Variants in EHD4 observed in about 807,000 individuals in gnomAD.
EHD4 encodes the protein EH domain containing 4.
EHD4 carries 37 observed loss-of-function variants against 51.0 expected under a neutral mutation model. The ratio of observed to expected loss-of-function variants is 0.73; its 90% CI spans 0.56 to 0.95. EHD4 has a LOEUF of 0.95. EHD4 is among the 40% of genes least tolerant of loss of function. The pLI, the probability that EHD4 is intolerant of heterozygous loss-of-function variation, is 0.00. For synonymous variants in EHD4, 297 were observed against 317.3 expected (o/e 0.94, Z 0.68); for missense variants, 632 against 733.1 (o/e 0.86, Z 1.59).
chr15:41,918,306 G>A (rs149170498), intron 4 of EHD4, among the ~76,000 whole-genome samples: 87 of 152,142 alleles, frequency 5.7e-4, no homozygotes, highest in African/African-American at 2.0e-3. Context: ...CCCTATATCC[G>A]AGGCTCTGGG....
At chr15:41,925,777 T>A (rs2067656603) in intron 3 of EHD4, among the ~76,000 whole-genome samples, 4 of 152,160 alleles carry the variant, frequency 2.6e-5, no homozygotes, top group Admixed American at 6.5e-5. Context: ...CCTGGCTCCA[T>A]GTTCTGGGAA....
At chr15:41,967,735 C>T (rs2141011288) in intron 1 of EHD4, among the ~76,000 whole-genome samples, 1 of 152,336 alleles carries the variant, frequency 6.6e-6, no homozygotes, top group African/African-American at 2.4e-5. Context: ...GGGAATGAAG[C>T]AGGCCTTTGT....
intron 3 of EHD4, among the ~76,000 whole-genome samples, chr15:41,936,518 A>C (rs1001741663): frequency 1.3e-5 from 2 of 152,228 alleles, no homozygotes; most frequent in Admixed American, 1.3e-4. Flanking sequence ...TCTGTATCCC[A>C]ATGTCTGAGA....
intron 1 of EHD4, among the ~76,000 whole-genome samples, chr15:41,957,406 T>C (rs1419122303): frequency 6.6e-6 from 1 of 152,214 alleles, no homozygotes; most frequent in Non-Finnish European, 1.5e-5. Flanking sequence ...CTGGTGTTAT[T>C]TGAGGGCCTG....
At chr15:41,904,550 A>T (rs553435310) in intron 5 of EHD4, among the ~76,000 whole-genome samples, 34 of 152,356 alleles carry the variant, frequency 2.2e-4, no homozygotes, top group Middle Eastern at 3.4e-3. Flanking sequence ...CCACTAAGCC[A>T]GGACCCTGGA....
At chr15:41,906,877 C>G (rs994016302) in intron 5 of EHD4, among the ~76,000 whole-genome samples, 1 of 152,116 alleles carries the variant, frequency 6.6e-6, no homozygotes, top group African/African-American at 2.4e-5. Flanking sequence ...TTCCGTGGTG[C>G]TAAGGTACTG....
chr15:41,964,436 C>G (rs777866916), intron 1 of EHD4, among the ~76,000 whole-genome samples: 1 of 151,790 alleles, frequency 6.6e-6, no homozygotes, highest in Non-Finnish European at 1.5e-5. Flanking sequence ...GATCCCAACT[C>G]TACAAAAAAT....
chr15:41,943,157 A>C lies in EHD4; in HGVS notation c.421T>G (p.Cys141Gly). 1 of 1,585,142 alleles carries C rather than the reference A, an allele frequency of 6.3e-7. No individual in the cohort carries two copies. Among genetic ancestry groups the C allele is most frequent in the Non-Finnish European group, 8.6e-7 (1 of 1,165,226 alleles). Residue 141 changes from cysteine (C) to glycine (G), a missense_variant, in exon 3 of 6, where the codon TGC (cysteine) becomes GGC (glycine). Cys to Gly is a radical substitution (Grantham distance 159). Coordinates refer to ENST00000220325, the MANE Select transcript of EHD4 (RefSeq NM_139265.4). ...AGGACCTGATTGGGGAGCTGTGAGC[A>C]CATGAATCTGGAAGAGACGGATCAA... is the stretch of plus-strand genomic sequence containing the variant. ...FGNAFLNRFM[C>G]SQLPNQVLKS... is the part of the protein sequence containing the mutation.
At chr15:41,902,597 A>C (rs1163573427) in intron 5 of EHD4, among the ~76,000 whole-genome samples, 2 of 152,144 alleles carry the variant, frequency 1.3e-5, no homozygotes, top group Non-Finnish European at 2.9e-5. Flanking sequence ...ATTAGAAAGA[A>C]AAAAGCCAAG....
At chr15:41,951,983 C>A (rs1349722618) in intron 2 of EHD4, among the ~76,000 whole-genome samples, 1 of 152,252 alleles carries the variant, frequency 6.6e-6, no homozygotes, top group Non-Finnish European at 1.5e-5. Flanking sequence ...TTCCACATCA[C>A]CTGCAGGTTT....
intron 3 of EHD4, among the ~76,000 whole-genome samples, chr15:41,932,865 C>G (rs2067707785): frequency 6.6e-6 from 1 of 152,206 alleles, no homozygotes; most frequent in Admixed American, 6.5e-5. Context: ...CCTCTGCCCT[C>G]CCCTGGGAAA....
At chr15:41,944,922 C>T (rs1436275644) in intron 2 of EHD4, among the ~76,000 whole-genome samples, 1 of 152,284 alleles carries the variant, frequency 6.6e-6, no homozygotes, top group South Asian at 2.1e-4. Context: ...TAAATAAACC[C>T]TACTACCCAA....
At position 41,937,698 on chromosome 15, in the gene EHD4, G is replaced by C. The variant is rs189639374; in HGVS notation, c.511+5369C>G. ...GTGTTCTCTCTCCTTTCCCGAGCAAGCTTCAAAATCCGGTCTTTTGTCTTC... is the reference window on the plus strand; with the variant it reads ...GTGTTCTCTCTCCTTTCCCGAGCAACCTTCAAAATCCGGTCTTTTGTCTTC... On this transcript the variant is annotated intron_variant, in intron 3 of 5. Transcript: ENST00000220325. Among the ~76,000 whole-genome samples the C allele has an allele frequency of 6.6e-5, 10 of 152,332 alleles. No homozygotes were observed. In the East Asian group the frequency reaches 1.9e-3, roughly 29 times the overall value.
chr15:41,919,624 T>A lies in EHD4; in HGVS notation c.512-2A>T, dbSNP rs747912630. ...GCAGGACCTGGCAGAAGTCATAGCC[T>A]GGGTGGAGAGAAGGACACGTCAGTG... On this transcript the variant is annotated splice_acceptor_variant, in intron 3 of 5. Transcript: ENST00000220325. LOFTEE classifies it high-confidence loss of function. The A allele has an allele frequency of 1.3e-6, 2 of 1,509,012 alleles. No homozygotes were observed. The highest frequency in any genetic ancestry group is 4.6e-5 in the Admixed American group (2 of 43,338). The allele number at this position is 1,509,012 out of a possible 1,614,324, so 93.5% of individuals were successfully genotyped here.
At chr15:41,920,114 A>G (rs1345964698) in intron 3 of EHD4, among the ~76,000 whole-genome samples, 2 of 152,374 alleles carry the variant, frequency 1.3e-5, no homozygotes, top group East Asian at 1.9e-4. Flanking sequence ...ATCGCCTTCA[A>G]TTAACCCAAG....
intron 3 of EHD4, among the ~76,000 whole-genome samples, chr15:41,926,474 C>T (rs1301998742): frequency 6.6e-6 from 1 of 152,210 alleles, no homozygotes; most frequent in East Asian, 1.9e-4. Context: ...TGTGCAACCC[C>T]AGGCTCTCCT....
rs562084176 is a variant in EHD4 at position 41,938,281 on chromosome 15, G to A, written c.511+4786C>T. Among the ~76,000 whole-genome samples, 16 of 152,280 alleles carry A rather than the reference G, an allele frequency of 1.1e-4. No individual in the cohort carries two copies. The South Asian group carries it at 1.7e-3, about 16-fold the overall frequency. ...TTCCTGTTTATATCACTACCCAGGCGCCTTTTTGATTCTTGAGGGCTTTCC... is the reference window on the plus strand; with the variant it reads ...TTCCTGTTTATATCACTACCCAGGCACCTTTTTGATTCTTGAGGGCTTTCC... On this transcript the variant is annotated intron_variant, in intron 3 of 5. Transcript: ENST00000220325.
intron 5 of EHD4, among the ~76,000 whole-genome samples, chr15:41,906,217 C>A (rs901363054): frequency 1.3e-5 from 2 of 152,276 alleles, no homozygotes; most frequent in Middle Eastern, 3.4e-3. Context: ...TTACATATAC[C>A]TACCCTTCCC....
intron 1 of EHD4, among the ~76,000 whole-genome samples, chr15:41,965,977 G>A (rs1344150336): frequency 1.1e-5 from 1 of 88,936 alleles, no homozygotes; most frequent in Non-Finnish European, 2.2e-5. Flanking sequence ...ACCCCACCCA[G>A]CCCCGCCTAC....
Sources: allele counts gnomAD v4.1 joint callset (sites outside exome capture counted in the v4.1 genomes callset), GRCh38; gene constraint gnomAD v4.1.1; transcripts MANE v1.5; gene names NCBI Gene and HGNC (gene_info 2026-07-23, HGNC 2026-07-21).